ANKRD55: variants seen among roughly 807,000 people sequenced by gnomAD.
The protein encoded by ANKRD55 is ankyrin repeat domain 55, also known as ankyrin repeat domain-containing protein 55.
Under a neutral mutation model 60.6 loss-of-function variants are expected in ANKRD55, and 41 were observed. The ratio of observed to expected loss-of-function variants is 0.68; its 90% confidence interval spans 0.53 to 0.88. ANKRD55 has a LOEUF of 0.88. ANKRD55 is among the 40% of genes least tolerant of loss of function. ANKRD55 has a pLI of 0.00. For synonymous variants in ANKRD55, 264 were observed against 290.3 expected (o/e 0.91, Z 0.92); for missense variants, 732 against 767.6 (o/e 0.95, Z 0.55).
intron 2 of ANKRD55, among the ~76,000 whole-genome samples, chr5:56,229,684 A>T (rs1417188074): frequency 6.6e-6 from 1 of 152,152 alleles, no homozygotes; most frequent in African/African-American, 2.4e-5. Context: ...GGAGGGGTTC[A>T]GTCTTACCAA....
intron 5 of ANKRD55, among the ~76,000 whole-genome samples, chr5:56,170,306 C>T (rs995104787): frequency 2.6e-5 from 4 of 152,160 alleles, no homozygotes; most frequent in Non-Finnish European, 4.4e-5. Flanking sequence ...AGAATATAAG[C>T]TCTGTGACAT....
intron 3 of ANKRD55, among the ~76,000 whole-genome samples, chr5:56,178,314 C>T (rs959699238): frequency 1.3e-5 from 2 of 151,612 alleles, no homozygotes; most frequent in Non-Finnish European, 2.9e-5. Context: ...GTCAATGTCT[C>T]AACGTACGGG....
At chr5:56,150,474 T>G (rs1030696668) in intron 6 of ANKRD55, among the ~76,000 whole-genome samples, 1 of 150,708 alleles carries the variant, frequency 6.6e-6, no homozygotes, top group Non-Finnish European at 1.5e-5. Context: ...TATGGTGGTA[T>G]GCGCCTGTAG....
At chr5:56,186,476 A>G (rs1258677079) in intron 2 of ANKRD55, among the ~76,000 whole-genome samples, 2 of 152,176 alleles carry the variant, frequency 1.3e-5, no homozygotes, top group Non-Finnish European at 2.9e-5. Context: ...CTTTAAAATG[A>G]AGGTAATAAT....
intron 7 of ANKRD55, among the ~76,000 whole-genome samples, chr5:56,140,582 A>T (rs567371741): frequency 6.6e-6 from 1 of 152,360 alleles, no homozygotes; most frequent in South Asian, 2.1e-4. Flanking sequence ...GATGCTCAAG[A>T]AGTATTTATT....
chr5:56,179,767 C>T (rs1758816062), intron 3 of ANKRD55, among the ~76,000 whole-genome samples: 1 of 152,266 alleles, frequency 6.6e-6, no homozygotes, highest in South Asian at 2.1e-4. Context: ...AGAAACTTAG[C>T]CACTTCGAGA....
At chr5:56,166,534 A>C (rs887678396) in intron 5 of ANKRD55, among the ~76,000 whole-genome samples, 2 of 152,028 alleles carry the variant, frequency 1.3e-5, no homozygotes, top group African/African-American at 4.8e-5. Flanking sequence ...AAGCACTAGG[A>C]TTACAGGTGT....
intron 4 of ANKRD55, among the ~76,000 whole-genome samples, chr5:56,171,279 G>A (rs1265519494): frequency 6.6e-6 from 1 of 152,148 alleles, no homozygotes; most frequent in East Asian, 1.9e-4. Flanking sequence ...TTCTGATGCT[G>A]AAAGCTTGAA....
Position 56,159,874 on chromosome 5 carries a change from G to C in ANKRD55, c.442C>G (p.Gln148Glu). 1 of 1,613,852 alleles carries C rather than the reference G, an allele frequency of 6.2e-7. No homozygotes were observed. Among genetic ancestry groups the C allele is most frequent in the Non-Finnish European group, 8.5e-7 (1 of 1,179,794 alleles). ...PDMRLLTVLLQQSNISEINHQ... is the reference protein window; with the variant it reads ...PDMRLLTVLLEQSNISEINHQ... Reference sequence around the variant, plus strand: ...TTAATCTCGCTGATGTTCGACTGTTGCAACAGGACCGTGAGGAGCCTGTAA... The same window carrying C: ...TTAATCTCGCTGATGTTCGACTGTTCCAACAGGACCGTGAGGAGCCTGTAA... Residue 148 changes from glutamine to glutamate, a missense_variant, in exon 6 of 12, where the codon CAA becomes GAA. Gln to Glu is a conservative substitution (Grantham distance 29). Coordinates refer to ENST00000341048, the MANE Select transcript of ANKRD55 (RefSeq NM_024669.3).
chr5:56,131,893 G>A (rs570657387), intron 7 of ANKRD55, among the ~76,000 whole-genome samples: 13 of 149,750 alleles, frequency 8.7e-5, no homozygotes, highest in African/African-American at 2.9e-4. Context: ...AAAGAAGAAC[G>A]CTGAAGAAGG....
At chr5:56,108,640 T>C (rs535157293) in intron 10 of ANKRD55, among the ~76,000 whole-genome samples, 27 of 152,360 alleles carry the variant, frequency 1.8e-4, no homozygotes, top group African/African-American at 6.3e-4. Flanking sequence ...CTTCAGGCAC[T>C]GGGCACATGT....
At position 56,184,243 on chromosome 5, in the gene ANKRD55, G is replaced by A. The variant is rs114465595; in HGVS notation, c.59-609C>T. On this transcript the variant is annotated intron_variant, in intron 2 of 11. Coordinates refer to ENST00000341048, the MANE Select transcript of ANKRD55 (RefSeq NM_024669.3). The stretch of plus-strand genomic sequence containing the variant: ...CCTGCCTTCCCCTAGTGCCGTGTTC[G>A]GCAGGAGCCACTTCTCTCCCAACAG... Among the ~76,000 whole-genome samples, 422 of 152,268 alleles carry A rather than the reference G, an allele frequency of 2.8e-3. 3 individuals carry two copies. The highest frequency in any genetic ancestry group is 9.7e-3 in the African/African-American group (405 of 41,560).
chr5:56,223,385 G>A (rs1470837236), intron 2 of ANKRD55, among the ~76,000 whole-genome samples: 1 of 152,204 alleles, frequency 6.6e-6, no homozygotes. Flanking sequence ...ACTGGTATCA[G>A]CCACTGCAAA....
intron 10 of ANKRD55, among the ~76,000 whole-genome samples, chr5:56,109,934 C>T (rs1756623289): frequency 6.6e-6 from 1 of 151,990 alleles, no homozygotes; most frequent in Non-Finnish European, 1.5e-5. Context: ...AGGAGAATCG[C>T]TTGAACCCGG....
intron 10 of ANKRD55, among the ~76,000 whole-genome samples, chr5:56,106,187 G>C (rs1756459927): frequency 1.3e-5 from 2 of 152,082 alleles, no homozygotes. Flanking sequence ...CCAAACCCAG[G>C]GCAGGAAAGG....
intron 11 of ANKRD55, among the ~76,000 whole-genome samples, chr5:56,101,579 G>T (rs901957907): frequency 6.6e-6 from 1 of 152,170 alleles, no homozygotes; most frequent in Non-Finnish European, 1.5e-5. Flanking sequence ...ATGCTTCAGA[G>T]TATAGATATG....
intron 9 of ANKRD55, among the ~76,000 whole-genome samples, chr5:56,112,434 A>G (rs1245265658): frequency 6.9e-6 from 1 of 145,498 alleles, no homozygotes; most frequent in African/African-American, 2.5e-5. Flanking sequence ...TGGGAGGCTG[A>G]GGCAGGAGGA....
intron 2 of ANKRD55, among the ~76,000 whole-genome samples, chr5:56,195,991 A>G (rs1332619373): frequency 6.6e-6 from 1 of 152,230 alleles, no homozygotes; most frequent in East Asian, 1.9e-4. Context: ...TTACTTGACT[A>G]GAAGTATAAA....
intron 2 of ANKRD55, among the ~76,000 whole-genome samples, chr5:56,199,471 T>C (rs1001089107): frequency 1.4e-4 from 21 of 152,144 alleles, no homozygotes; most frequent in Admixed American, 9.8e-4. Flanking sequence ...TTATTTTAAG[T>C]GATCACCATT....
Sources: allele counts gnomAD v4.1 joint callset (sites outside exome capture counted in the v4.1 genomes callset), GRCh38; gene constraint gnomAD v4.1.1; transcripts MANE v1.5; gene names NCBI Gene and HGNC (gene_info 2026-07-23, HGNC 2026-07-21).